The following BRINP3 variants were observed in gnomAD, a reference collection of about 807,000 sequenced individuals.
BRINP3 encodes BMP/retinoic acid inducible neural specific 3, also known as BMP/retinoic acid-inducible neural-specific protein 3.
Under a neutral mutation model 71.0 loss-of-function variants are expected in BRINP3, and 19 were observed. That is an observed-to-expected ratio of 0.27 (90% CI 0.19 to 0.39). The LOEUF (loss-of-function observed/expected upper bound fraction) is 0.39, where lower values mean the gene tolerates loss of function less well. Ranked by LOEUF, BRINP3 falls within the 10% of genes least tolerant of loss-of-function variation. The pLI is 1.00. For missense variants in BRINP3, 959 were observed against 940.8 expected (o/e 1.02, Z -0.25); for synonymous variants, 380 against 337.7 (o/e 1.13, Z -1.37).
intron 2 of BRINP3, among the ~76,000 whole-genome samples, chr1:190,397,494 T>C (rs1448311625): frequency 6.6e-6 from 1 of 152,010 alleles, no homozygotes. Context: ...TATCCTTTAC[T>C]CCTTGGTCTG....
At chr1:190,283,102 T>C (rs1663165501) in intron 2 of BRINP3, among the ~76,000 whole-genome samples, 1 of 152,014 alleles carries the variant, frequency 6.6e-6, no homozygotes, top group South Asian at 2.1e-4. Context: ...AGCCCATTTT[T>C]GTCACTAATT....
chr1:190,262,897 A>ATG (rs904165291), intron 4 of BRINP3, among the ~76,000 whole-genome samples: 24 of 151,424 alleles, frequency 1.6e-4, no homozygotes, highest in South Asian at 8.4e-4. Context: ...ATATATACAT[A>ATG]TGTGTGTGTG....
Position 190,296,077 on chromosome 1 carries a change from G to T in BRINP3, c.237-14327C>A, listed in dbSNP as rs926053261. Among the ~76,000 whole-genome samples, 36 of 144,368 alleles carry T rather than the reference G, an allele frequency of 2.5e-4. 1 individual carries two copies. Among genetic ancestry groups the T allele is most frequent in the Middle Eastern group, 3.5e-3 (1 of 282 alleles). The allele number at this position is 144,368 out of a possible 152,430, so 94.7% of individuals were successfully genotyped here. ...TGTTTGCTTTTGTGGTTTTTTTTTT[G>T]GGGGGGGGCTGGGCTTTTGGTGTTA... On this transcript the variant is annotated intron_variant, in intron 2 of 7. Coordinates refer to ENST00000367462, the MANE Select transcript of BRINP3 (RefSeq NM_199051.3).
chr1:190,121,397 A>C (rs1479000068), intron 7 of BRINP3, among the ~76,000 whole-genome samples: 1 of 152,218 alleles, frequency 6.6e-6, no homozygotes, highest in East Asian at 1.9e-4. Flanking sequence ...ACAATTAAGA[A>C]AAACAGCACA....
chr1:190,177,113 G>A (rs1370939636), intron 6 of BRINP3, among the ~76,000 whole-genome samples: 2 of 142,160 alleles, frequency 1.4e-5, no homozygotes, highest in African/African-American at 5.3e-5. Context: ...AAATCTTCAT[G>A]GTTTTGTTTG....
chr1:190,146,899 A>G (rs565885300), intron 7 of BRINP3, among the ~76,000 whole-genome samples: 2 of 152,164 alleles, frequency 1.3e-5, no homozygotes, highest in African/African-American at 2.4e-5. Flanking sequence ...TGGATAAAAT[A>G]TATACATACA....
chr1:190,459,721 C>G lies in BRINP3; in HGVS notation c.-50-4781G>C, dbSNP rs537955417. 3.3e-5 allele frequency among the ~76,000 whole-genome samples: 5 copies of G among 151,958 alleles called. No individual in the cohort carries two copies. In the South Asian group the frequency reaches 8.3e-4, roughly 25 times the overall value. On this transcript the variant is annotated intron_variant, in intron 1 of 7. Coordinates refer to ENST00000367462, the MANE Select transcript of BRINP3 (RefSeq NM_199051.3). Reference sequence around the variant, plus strand: ...GGACTGATTTTTGCTGCTTACATATCCAAAATATTCTCTCAGGAACTAAAA... The same window carrying G: ...GGACTGATTTTTGCTGCTTACATATGCAAAATATTCTCTCAGGAACTAAAA...
At chr1:190,234,313 C>A (rs1236485215) in intron 5 of BRINP3, 59 bp downstream of exon 5, 3 of 1,285,748 alleles carry the variant, frequency 2.3e-6, no homozygotes, top group Non-Finnish European at 3.3e-6. Context: ...GAAAAGAAAT[C>A]ACGACTGGAT....
At chr1:190,448,413 A>C (rs1675369286) in intron 2 of BRINP3, among the ~76,000 whole-genome samples, 1 of 151,450 alleles carries the variant, frequency 6.6e-6, no homozygotes, top group African/African-American at 2.4e-5. Flanking sequence ...CAATTGCACT[A>C]AATTCTATAT....
At chr1:190,118,816 G>T (rs1033850899) in intron 7 of BRINP3, among the ~76,000 whole-genome samples, 2 of 152,146 alleles carry the variant, frequency 1.3e-5, no homozygotes, top group African/African-American at 2.4e-5. Flanking sequence ...GAGGGAAAAA[G>T]ACTTTTTGTT....
At chr1:190,217,917 T>C (rs1656546564) in intron 6 of BRINP3, among the ~76,000 whole-genome samples, 1 of 152,068 alleles carries the variant, frequency 6.6e-6, no homozygotes, top group Non-Finnish European at 1.5e-5. Flanking sequence ...ATGTTCCAGA[T>C]CAAATATTTA....
At chr1:190,276,045 A>G (rs1410662795) in intron 3 of BRINP3, among the ~76,000 whole-genome samples, 1 of 151,580 alleles carries the variant, frequency 6.6e-6, no homozygotes, top group Non-Finnish European at 1.5e-5. Flanking sequence ...ATTAATTTTA[A>G]TAAATATCAG....
intron 2 of BRINP3, among the ~76,000 whole-genome samples, chr1:190,427,808 G>C (rs1673818648): frequency 6.6e-6 from 1 of 151,214 alleles, no homozygotes; most frequent in Non-Finnish European, 1.5e-5. Context: ...GTGTCATGGG[G>C]ATTTGTTGTA....
chr1:190,314,304 G>T (rs1665735376), intron 2 of BRINP3, among the ~76,000 whole-genome samples: 1 of 152,026 alleles, frequency 6.6e-6, no homozygotes, highest in Non-Finnish European at 1.5e-5. Context: ...TGGGTAAGCA[G>T]AATAATTGCC....
At chr1:190,398,249 G>C (rs1459985246) in intron 2 of BRINP3, among the ~76,000 whole-genome samples, 1 of 151,926 alleles carries the variant, frequency 6.6e-6, no homozygotes, top group Non-Finnish European at 1.5e-5. Flanking sequence ...GGGATGAAGA[G>C]TGTGAAAGAT....
chr1:190,104,407 A>G lies in BRINP3; in HGVS notation c.1185-5273T>C, dbSNP rs983357321. Among the ~76,000 whole-genome samples, 10 of 152,244 alleles carry G rather than the reference A, an allele frequency of 6.6e-5. No individual in the cohort carries two copies. In the East Asian group the frequency reaches 1.9e-3, roughly 29 times the overall value. On this transcript the variant is annotated intron_variant, in intron 7 of 7. Transcript: ENST00000367462. ...AAGAATGCCTGTGCACAGAATAAAC[A>G]GGAAATAAATGTAAACTCTTATTCC... is the stretch of plus-strand genomic sequence containing the variant.
intron 2 of BRINP3, among the ~76,000 whole-genome samples, chr1:190,325,021 G>A (rs966001301): frequency 6.6e-6 from 1 of 151,816 alleles, no homozygotes; most frequent in Non-Finnish European, 1.5e-5. Context: ...TTTCTTCAAA[G>A]TGCTTGAATT....
chr1:190,109,333 C>T (rs1300682654), intron 7 of BRINP3, among the ~76,000 whole-genome samples: 2 of 152,078 alleles, frequency 1.3e-5, no homozygotes, highest in Non-Finnish European at 2.9e-5. Flanking sequence ...ACATAATTAT[C>T]AAGCCAAGGA....
At chr1:190,153,589 GA>G (rs1257261209) in intron 7 of BRINP3, among the ~76,000 whole-genome samples, 1 of 152,126 alleles carries the variant, frequency 6.6e-6, no homozygotes, top group East Asian at 1.9e-4. Context: ...GTAAGTGTAA[GA>G]AAAAACTAAT....
Sources: gnomAD v4.1 joint callset for allele counts (sites outside exome capture counted in the v4.1 genomes callset) on GRCh38, gnomAD v4.1.1 for gene constraint, MANE v1.5 for transcripts, NCBI Gene and HGNC (gene_info 2026-07-23, HGNC 2026-07-21) for gene names.